COPS3: variants seen among roughly 807,000 people sequenced by gnomAD.
COPS3 encodes the protein COP9 signalosome subunit 3.
In COPS3, 10 loss-of-function variants were observed where a neutral mutation model predicts 58.2. The observed-to-expected ratio is 0.17, with a 90% CI of 0.11 to 0.29. COPS3 has a LOEUF of 0.29. Among genes scored for constraint, COPS3 ranks in the 10% least tolerant of loss-of-function variants. The pLI is 1.00. For missense variants in COPS3, 333 were observed against 510.1 expected, an observed-to-expected ratio of 0.65 and a Z score of 3.34; for synonymous variants, 187 against 181.7, an observed-to-expected ratio of 1.03 and a Z score of -0.24.
chr17:17,280,478 T>C, intron 1 of COPS3: 6 of 1,019,432 alleles, frequency 5.9e-6, no homozygotes, highest in Non-Finnish European at 7.6e-6. Context: ...GAGAATCGCT[T>C]GAAGCCGGGA....
chr17:17,280,549 CAAAGAA>C, intron 1 of COPS3: 4 of 936,516 alleles, frequency 4.3e-6, no homozygotes, highest in Non-Finnish European at 5.5e-6. Flanking sequence ...TAAAAAAAAA[CAAAGAA>C]GAAGAAATGG....
intron 5 of COPS3, among the ~76,000 whole-genome samples, chr17:17,265,279 A>T (rs939535329): frequency 2.6e-5 from 4 of 152,180 alleles, no homozygotes; most frequent in African/African-American, 9.6e-5. Flanking sequence ...TTGGCATTCT[A>T]AAGATTTCAG....
intron 8 of COPS3, among the ~76,000 whole-genome samples, chr17:17,256,089 G>A (rs1424379566): frequency 2.7e-5 from 4 of 150,022 alleles, no homozygotes; most frequent in Non-Finnish European, 4.4e-5. Flanking sequence ...TGAGGCAGGA[G>A]AATGGCGTGA....
chr17:17,254,814 G>GAAAAAAAAAAAAAAA (rs71152853), intron 9 of COPS3, 45 bp downstream of exon 9: 276 of 822,240 alleles, frequency 3.4e-4, no homozygotes, highest in South Asian at 1.5e-3. Flanking sequence ...ATCTCAAAAA[G>GAAAAAAAAAAAAAAA]AAAAAAAAAA....
chr17:17,280,549 C>CA, intron 1 of COPS3: 1 of 936,516 alleles, frequency 1.1e-6, no homozygotes, highest in Non-Finnish European at 1.4e-6. Flanking sequence ...TAAAAAAAAA[C>CA]AAAGAAGAAG....
In COPS3 at chr17:17,270,811, G is replaced by C. The variant is rs768118243; in HGVS notation, c.299-4C>G. 6.2e-7 allele frequency: 1 copy of C among 1,600,254 alleles called. No homozygotes were observed. The highest frequency in any genetic ancestry group is 1.1e-5 in the South Asian group (1 of 89,442). On this transcript the variant is annotated splice_polypyrimidine_tract_variant and splice_region_variant and intron_variant, in intron 3 of 11. Transcript: ENST00000268717. ...AGCTGATGGCAAAGCCCAGCAACTA[G>C]ATACAATAACAAAATATTCAAAATA...
Position 17,255,299 on chromosome 17 carries a change from C to CAAAACAA in COPS3, c.937-361_937-355dup, listed in dbSNP as rs140648126. Among the ~76,000 whole-genome samples, 9 of 146,876 alleles carry CAAAACAA rather than the reference C, an allele frequency of 6.1e-5. 1 individual carries two copies. The highest frequency in any genetic ancestry group is 2.1e-4 in the Admixed American group (3 of 14,568). On this transcript the variant is annotated intron_variant, in intron 8 of 11. Transcript: ENST00000268717. ...TGGGTGACAAAGTGAGACTCTGTCT[C>CAAAACAA]AAAACAAAAAACAAAAAACAAAAAA...
At chr17:17,250,180 TC>T (rs2047810807) in intron 9 of COPS3, among the ~76,000 whole-genome samples, 1 of 152,068 alleles carries the variant, frequency 6.6e-6, no homozygotes, top group Admixed American at 6.6e-5. Context: ...TGGTCTGGCT[TC>T]CCTTAGCATG....
At position 17,278,156 on chromosome 17, in the gene COPS3, A is replaced by G. The variant is rs528901604; in HGVS notation, c.56-1992T>C. 3.8e-4 allele frequency among the ~76,000 whole-genome samples: 57 copies of G among 150,240 alleles called. 1 individual carries two copies. The highest frequency in any genetic ancestry group is 2.1e-3 in the Admixed American group (31 of 14,998). The stretch of plus-strand genomic sequence containing the variant: ...ACAGAGCAAGACTCCGTTTCGGGGG[A>G]AAAAAAAAATTAGGCCTGAATTGGT... On this transcript the variant is annotated intron_variant, in intron 1 of 11. Transcript: ENST00000268717.
At chr17:17,257,350 C>T (rs1454734112) in intron 8 of COPS3, among the ~76,000 whole-genome samples, 2 of 146,776 alleles carry the variant, frequency 1.4e-5, no homozygotes, top group African/African-American at 2.5e-5. Flanking sequence ...GACAACAGAG[C>T]GAGACTCAGT....
At chr17:17,265,116 A>G in intron 5 of COPS3, 135 bp from the exon 6 acceptor site, 1 of 758,302 alleles carries the variant, frequency 1.3e-6, no homozygotes. Flanking sequence ...AAAATTATCT[A>G]AATGTCAACA....
chr17:17,260,858 T>C (rs565337031), intron 7 of COPS3, among the ~76,000 whole-genome samples: 105 of 151,200 alleles, frequency 6.9e-4, no homozygotes, highest in Non-Finnish European at 1.2e-3. Context: ...CTCAAATGTG[T>C]ATAGGAAGCA....
At chr17:17,280,631 G>C in intron 1 of COPS3, 2 of 1,303,420 alleles carry the variant, frequency 1.5e-6, no homozygotes, top group Non-Finnish European at 2.0e-6. Context: ...GTTCCCGAGC[G>C]TGCGCCGCCT....
chr17:17,276,608 G>A (rs1002903698), intron 1 of COPS3, among the ~76,000 whole-genome samples: 3 of 147,732 alleles, frequency 2.0e-5, no homozygotes, highest in East Asian at 2.0e-4. Context: ...TCACTGTGTC[G>A]CCCAGGCTGG....
intron 5 of COPS3, among the ~76,000 whole-genome samples, 171 bp from the exon 6 acceptor site, chr17:17,265,152 T>C (rs1008704633): frequency 6.6e-6 from 1 of 152,222 alleles, no homozygotes; most frequent in Non-Finnish European, 1.5e-5. Context: ...CTATCTGAAA[T>C]GCTTAGGACC....
At chr17:17,264,041 C>A (rs1856135004) in intron 6 of COPS3, among the ~76,000 whole-genome samples, 1 of 152,216 alleles carries the variant, frequency 6.6e-6, no homozygotes, top group African/African-American at 2.4e-5. Context: ...TATGGTGGCC[C>A]TCCTCAGGTC....
At chr17:17,251,684 G>A (rs1045725412) in intron 9 of COPS3, among the ~76,000 whole-genome samples, 4 of 152,152 alleles carry the variant, frequency 2.6e-5, no homozygotes, top group Non-Finnish European at 5.9e-5. Context: ...CATCATGCAT[G>A]ACTCTCACAA....
rs551112168 is a variant in COPS3 at position 17,269,954 on chromosome 17, C to T, written c.348+804G>A. The stretch of plus-strand genomic sequence containing the variant: ...GGAGGATTGCCTGAGCTCAGGAGTT[C>T]GAGACCAGCCTGGCAACATGGTGAA... On this transcript the variant is annotated intron_variant, in intron 4 of 11. Coordinates refer to ENST00000268717, the MANE Select transcript of COPS3 (RefSeq NM_003653.4). Among the ~76,000 whole-genome samples, 6 of 152,144 alleles carry T rather than the reference C, an allele frequency of 3.9e-5. No individual in the cohort carries two copies. In the South Asian group the frequency reaches 1.0e-3, roughly 26 times the overall value.
intron 5 of COPS3, 84 bp from the exon 6 acceptor site, chr17:17,265,065 A>C (rs2048191239): frequency 8.3e-7 from 1 of 1,209,190 alleles, no homozygotes. Context: ...TGATTCCAGA[A>C]ATTTCCAAAT....
Sources: allele counts gnomAD v4.1 joint callset (sites outside exome capture counted in the v4.1 genomes callset), GRCh38; gene constraint gnomAD v4.1.1; transcripts MANE v1.5; gene names NCBI Gene and HGNC (gene_info 2026-07-23, HGNC 2026-07-21).